Variants in DPY19L1 observed in about 807,000 individuals in gnomAD.
DPY19L1 encodes the protein protein C-mannosyl-transferase DPY19L1.
DPY19L1 carries 35 observed loss-of-function variants against 96.9 expected under a neutral mutation model. The ratio of observed to expected loss-of-function variants is 0.36; its 90% CI spans 0.28 to 0.48. The LOEUF (loss-of-function observed/expected upper bound fraction) is 0.48, where lower values mean the gene tolerates loss of function less well. DPY19L1 is among the 20% of genes least tolerant of loss of function. The probability of loss-of-function intolerance (pLI) is 0.99; values close to 1 mark genes in which losing one functional copy is unlikely to be tolerated. For synonymous variants in DPY19L1, 205 were observed against 252.6 expected, an observed-to-expected ratio of 0.81 and a Z score of 1.79; for missense variants, 521 against 777.9, an observed-to-expected ratio of 0.67 and a Z score of 3.93.
At chr7:34,955,718 C>T (rs1170687553) in intron 11 of DPY19L1, among the ~76,000 whole-genome samples, 4 of 152,078 alleles carry the variant, frequency 2.6e-5, no homozygotes, top group Non-Finnish European at 5.9e-5. Flanking sequence ...TTTCCTTTAG[C>T]TAAAAATTAC....
At chr7:34,962,170 T>C (rs1784514377) in intron 10 of DPY19L1, among the ~76,000 whole-genome samples, 1 of 152,234 alleles carries the variant, frequency 6.6e-6, no homozygotes, top group African/African-American at 2.4e-5. Context: ...TATTCATAAT[T>C]GCCCAAACTT....
intron 10 of DPY19L1, among the ~76,000 whole-genome samples, chr7:34,962,847 G>A (rs549146117): frequency 2.6e-5 from 4 of 152,166 alleles, no homozygotes; most frequent in Non-Finnish European, 5.9e-5. Context: ...GGGGTAGGTT[G>A]TGCATGGTTG....
intron 6 of DPY19L1, among the ~76,000 whole-genome samples, chr7:34,999,827 TAAAC>T (rs1198216440): frequency 6.6e-6 from 1 of 152,190 alleles, no homozygotes; most frequent in Non-Finnish European, 1.5e-5. Flanking sequence ...AGTTACCAAA[TAAAC>T]AATTATTTAT....
In DPY19L1 at chr7:34,957,819, TC is replaced by T. The variant is rs34773911; in HGVS notation, c.1179+164del. ...TACTAATTTTTCCTTGTTTTTTTTTTCCCTGTTTTAGAATTGAGTACTTGAA... is the reference window on the plus strand; with the variant it reads ...TACTAATTTTTCCTTGTTTTTTTTTTCCTGTTTTAGAATTGAGTACTTGAA... On this transcript the variant is annotated intron_variant, in intron 11 of 21. Transcript: ENST00000638088. 2.7e-5 allele frequency among the ~76,000 whole-genome samples: 4 copies of T among 150,638 alleles called. No individual in the cohort carries two copies. The South Asian group carries it at 8.4e-4, about 32-fold the overall frequency.
intron 16 of DPY19L1, among the ~76,000 whole-genome samples, chr7:34,945,140 A>G (rs1784116036): frequency 6.6e-6 from 1 of 152,206 alleles, no homozygotes; most frequent in Non-Finnish European, 1.5e-5. Flanking sequence ...ACAAATGGTA[A>G]GAGAGTAAGA....
At chr7:34,977,144 G>A (rs897482988) in intron 7 of DPY19L1, among the ~76,000 whole-genome samples, 1 of 152,110 alleles carries the variant, frequency 6.6e-6, no homozygotes, top group Non-Finnish European at 1.5e-5. Context: ...ATAGTACAGT[G>A]TAAACATAAC....
chr7:34,987,467 C>A (rs1785075169), intron 7 of DPY19L1, among the ~76,000 whole-genome samples: 1 of 151,944 alleles, frequency 6.6e-6, no homozygotes, highest in Non-Finnish European at 1.5e-5. Context: ...CCTTATAAAA[C>A]CATATGAGGA....
At chr7:34,975,596 C>T (rs887735121) in intron 7 of DPY19L1, among the ~76,000 whole-genome samples, 2 of 152,160 alleles carry the variant, frequency 1.3e-5, no homozygotes, top group Admixed American at 1.3e-4. Context: ...CTGCACTAAA[C>T]AACAGGGCAG....
intron 7 of DPY19L1, among the ~76,000 whole-genome samples, chr7:34,981,195 C>G (rs13240457): frequency 0.059 from 8,942 of 151,984 alleles, 360 homozygotes; most frequent in Middle Eastern, 0.18. Context: ...AGACTACTAC[C>G]AGCCAAATCT....
At chr7:35,004,705 T>C (rs538082909) in intron 6 of DPY19L1, among the ~76,000 whole-genome samples, 27 of 152,352 alleles carry the variant, frequency 1.8e-4, no homozygotes, top group African/African-American at 6.3e-4. Context: ...ACTCATATGA[T>C]AGCAATGCAT....
intron 3 of DPY19L1, among the ~76,000 whole-genome samples, chr7:35,014,041 T>C (rs1228482764): frequency 1.3e-5 from 2 of 152,254 alleles, no homozygotes; most frequent in African/African-American, 4.8e-5. Context: ...ATAGAGTGAG[T>C]GGTTTATTAT....
At chr7:34,958,161 AC>A in intron 10 of DPY19L1, 91 bp from the exon 11 acceptor site, 1 of 798,358 alleles carries the variant, frequency 1.3e-6, no homozygotes, top group Non-Finnish European at 1.9e-6. Flanking sequence ...CCCATAATAA[AC>A]AAAATTCAAA....
chr7:34,974,882 T>A (rs1414959255), intron 7 of DPY19L1, among the ~76,000 whole-genome samples: 1 of 152,204 alleles, frequency 6.6e-6, no homozygotes, highest in Non-Finnish European at 1.5e-5. Flanking sequence ...TTTTTCATTA[T>A]TACTATATCT....
intron 6 of DPY19L1, among the ~76,000 whole-genome samples, chr7:35,000,944 A>G (rs1785410827): frequency 6.6e-6 from 1 of 152,220 alleles, no homozygotes; most frequent in South Asian, 2.1e-4. Flanking sequence ...GAACACTTAA[A>G]ATGTATTCTC....
At chr7:34,969,286 A>G (rs1327853262) in intron 9 of DPY19L1, 147 bp downstream of exon 9, 10 of 430,458 alleles carry the variant, frequency 2.3e-5, no homozygotes, top group Non-Finnish European at 3.7e-5. Flanking sequence ...ATTTCTAAAA[A>G]ATGTTTTAGA....
At position 34,939,299 on chromosome 7, in the gene DPY19L1, T is replaced by G; in HGVS notation, c.1941A>C (p.Pro647=). The change falls in exon 20 of 22, where the codon CCA becomes CCC. Residue 647 remains proline (P), a synonymous_variant. Transcript: ENST00000638088. ...LSALRPIVNH[P]HYEDAGLRAR... ...ACCTCAAGCCTGCGTCTTCATAATG[T>G]GGATGATTCACAATGGGCCGAAGTG... is the stretch of plus-strand genomic sequence containing the variant. The G allele has an allele frequency of 6.2e-7, 1 of 1,613,714 alleles. No homozygotes were observed. The highest frequency in any genetic ancestry group is 1.3e-5 in the African/African-American group (1 of 75,044).
At chr7:34,991,627 G>C (rs328915) in intron 6 of DPY19L1, among the ~76,000 whole-genome samples, 5,583 of 152,204 alleles carry the variant, frequency 0.037, 200 homozygotes, top group African/African-American at 0.089. Flanking sequence ...TTAGTGTTTT[G>C]AACTTACTCT....
At position 35,010,515 on chromosome 7, in the gene DPY19L1, T is replaced by C. The variant is rs764986878; in HGVS notation, c.717A>G (p.Leu239=). 5 of 1,608,856 alleles carry C rather than the reference T, an allele frequency of 3.1e-6. No homozygotes were observed. In the South Asian group the frequency reaches 4.4e-5, roughly 14 times the overall value. ...AGAATAATGCCATCATTAGTCCATTTAAAATAAAAATTACAGCAACATAAA... is the reference window on the plus strand; with the variant it reads ...AGAATAATGCCATCATTAGTCCATTCAAAATAAAAATTACAGCAACATAAA... ...ACFYVAVIFI[L]NGLMMALFFI... The change falls in exon 6 of 22, where the codon TTA becomes TTG. Residue 239 remains leucine, a synonymous_variant. Transcript: ENST00000638088.
chr7:35,010,687 G>C (rs1336385830), intron 5 of DPY19L1, 126 bp from the exon 6 acceptor site: 6 of 687,478 alleles, frequency 8.7e-6, no homozygotes, highest in Non-Finnish European at 1.5e-5. Flanking sequence ...AGCTGCCTTG[G>C]TTCCCACATG....
Sources: gnomAD v4.1 joint callset for allele counts (sites outside exome capture counted in the v4.1 genomes callset) on GRCh38, gnomAD v4.1.1 for gene constraint, MANE v1.5 for transcripts, NCBI Gene and HGNC (gene_info 2026-07-23, HGNC 2026-07-21) for gene names.